NAALADL2: variants seen among roughly 807,000 people sequenced by gnomAD.
NAALADL2 encodes the protein inactive N-acetylated-alpha-linked acidic dipeptidase-like protein 2.
A neutral mutation model predicts 87.2 loss-of-function variants in NAALADL2; 76 were observed. That is an observed-to-expected ratio of 0.87 (90% CI 0.72 to 1.05). The LOEUF is 1.05. Among genes scored for constraint, NAALADL2 ranks in the 50% least tolerant of loss-of-function variants. The probability of loss-of-function intolerance (pLI) is 0.00; values close to 1 mark genes in which losing one functional copy is unlikely to be tolerated. For missense variants in NAALADL2, 1,089 were observed against 945.8 expected (o/e 1.15, Z -1.99); for synonymous variants, 354 against 331.0 (o/e 1.07, Z -0.75).
intron 9 of NAALADL2, among the ~76,000 whole-genome samples, chr3:175,516,801 A>G (rs1731903392): frequency 6.6e-6 from 1 of 152,158 alleles, no homozygotes; most frequent in Non-Finnish European, 1.5e-5. Context: ...TTTTCTTTTA[A>G]TGAACTTCCC....
At chr3:175,507,718 C>T (rs1730548327) in intron 9 of NAALADL2, among the ~76,000 whole-genome samples, 2 of 152,082 alleles carry the variant, frequency 1.3e-5, no homozygotes, top group Admixed American at 1.3e-4. Context: ...GCCACTGTGC[C>T]TGGCTATTAG....
At chr3:174,830,431 G>A (rs1231781543) in intron 3 of NAALADL2, among the ~76,000 whole-genome samples, 5 of 152,020 alleles carry the variant, frequency 3.3e-5, no homozygotes, top group Admixed American at 6.6e-5. Context: ...ATAGATATGC[G>A]GTGTTATTTC....
chr3:175,508,202 T>C (rs1212349548), intron 9 of NAALADL2, among the ~76,000 whole-genome samples: 2 of 152,214 alleles, frequency 1.3e-5, no homozygotes, highest in African/African-American at 4.8e-5. Context: ...ATGAGGGATC[T>C]GCCGCCATGA....
intron 11 of NAALADL2, among the ~76,000 whole-genome samples, chr3:175,650,991 G>T (rs1299687720): frequency 6.6e-6 from 1 of 152,120 alleles, no homozygotes; most frequent in South Asian, 2.1e-4. Context: ...AATGTGGATG[G>T]CATCACAAGG....
At chr3:175,687,381 T>C (rs1736442523) in intron 11 of NAALADL2, among the ~76,000 whole-genome samples, 1 of 152,216 alleles carries the variant, frequency 6.6e-6, no homozygotes. Context: ...GAGTAATCAA[T>C]GTACTATTGC....
chr3:175,300,212 C>T (rs1756880917), intron 4 of NAALADL2, among the ~76,000 whole-genome samples: 1 of 151,976 alleles, frequency 6.6e-6, no homozygotes, highest in East Asian at 1.9e-4. Context: ...AGGATTTCCG[C>T]ATTGATGTTC....
chr3:175,652,316 A>G (rs1730868559), intron 11 of NAALADL2, among the ~76,000 whole-genome samples: 1 of 152,116 alleles, frequency 6.6e-6, no homozygotes, highest in African/African-American at 2.4e-5. Context: ...AGACATATTT[A>G]TTTTGCACGA....
chr3:175,596,214 C>T (rs892356326), intron 10 of NAALADL2, among the ~76,000 whole-genome samples: 4 of 151,926 alleles, frequency 2.6e-5, no homozygotes, highest in South Asian at 2.1e-4. Flanking sequence ...TATCTAATCA[C>T]GTTACTATAC....
intron 1 of NAALADL2, among the ~76,000 whole-genome samples, chr3:174,490,887 A>G (rs1381230023): frequency 2.6e-5 from 4 of 152,054 alleles, no homozygotes; most frequent in Non-Finnish European, 5.9e-5. Flanking sequence ...AATATTTAGT[A>G]CCACCATCAA....
At chr3:174,958,528 T>C (rs1303655330) in intron 1 of NAALADL2, among the ~76,000 whole-genome samples, 1 of 152,020 alleles carries the variant, frequency 6.6e-6, no homozygotes, top group East Asian at 1.9e-4. Context: ...TTATTGAAAT[T>C]GAATTTTAAG....
chr3:174,853,376 C>CAA (rs55826352), intron 3 of NAALADL2, among the ~76,000 whole-genome samples: 1,227 of 82,436 alleles, frequency 0.015, 27 homozygotes, highest in African/African-American at 0.035. Context: ...GACTCAATCT[C>CAA]AAAAAAAAAA....
intron 2 of NAALADL2, among the ~76,000 whole-genome samples, chr3:174,679,892 T>C (rs565648590): frequency 6.6e-6 from 1 of 152,308 alleles, no homozygotes; most frequent in Admixed American, 6.5e-5. Flanking sequence ...GTCAAAAATG[T>C]TTTGTTGAAA....
intron 1 of NAALADL2, among the ~76,000 whole-genome samples, chr3:175,090,044 G>A (rs1348560889): frequency 1.3e-5 from 2 of 151,950 alleles, no homozygotes; most frequent in African/African-American, 4.8e-5. Context: ...ACACTCTGAA[G>A]GTAGAAAGTA....
intron 2 of NAALADL2, among the ~76,000 whole-genome samples, chr3:175,164,894 A>G (rs1056250490): frequency 2.0e-5 from 3 of 152,174 alleles, no homozygotes; most frequent in Non-Finnish European, 4.4e-5. Context: ...AACAGAAAAC[A>G]AAACATCAGA....
chr3:175,225,302 A>T (rs1304420689), intron 2 of NAALADL2, among the ~76,000 whole-genome samples: 2 of 152,174 alleles, frequency 1.3e-5, no homozygotes, highest in East Asian at 3.8e-4. Context: ...TAAAATAAGT[A>T]TATAACATCT....
chr3:174,655,735 C>A, intron 2 of NAALADL2, among the ~76,000 whole-genome samples: 1 of 152,118 alleles, frequency 6.6e-6, no homozygotes, highest in Non-Finnish European at 1.5e-5. Flanking sequence ...AAGTGACTTT[C>A]TTTATATTAA....
At chr3:175,463,940 G>A (rs1015548202) in intron 7 of NAALADL2, among the ~76,000 whole-genome samples, 2 of 151,930 alleles carry the variant, frequency 1.3e-5, no homozygotes, top group African/African-American at 4.8e-5. Flanking sequence ...AGCAATTCTT[G>A]TACCTCATCC....
chr3:175,398,513 T>C (rs1770130583), intron 5 of NAALADL2, among the ~76,000 whole-genome samples: 1 of 151,484 alleles, frequency 6.6e-6, no homozygotes, highest in Non-Finnish European at 1.5e-5. Context: ...GCTAAGTTAC[T>C]CTTAGAGAGA....
chr3:174,868,842 G>GGA (rs1233862553), intron 1 of NAALADL2, among the ~76,000 whole-genome samples: 1 of 152,054 alleles, frequency 6.6e-6, no homozygotes, highest in Non-Finnish European at 1.5e-5. Flanking sequence ...CTAGACCTTG[G>GGA]GAGAGAGAGA....
Sources: allele counts gnomAD v4.1 joint callset (sites outside exome capture counted in the v4.1 genomes callset), GRCh38; gene constraint gnomAD v4.1.1; transcripts MANE v1.5; gene names NCBI Gene and HGNC (gene_info 2026-07-23, HGNC 2026-07-21).